The following PTPRZ1 variants were observed in gnomAD, a reference collection of about 807,000 sequenced individuals.
PTPRZ1 encodes protein tyrosine phosphatase receptor type Z1, also known as receptor-type tyrosine-protein phosphatase zeta.
In PTPRZ1, 82 loss-of-function variants were observed where a neutral mutation model predicts 214.1. The observed-to-expected ratio is 0.38, with a 90% confidence interval of 0.32 to 0.46. The LOEUF (loss-of-function observed/expected upper bound fraction) is 0.46. PTPRZ1 is among the 20% of genes least tolerant of loss of function. PTPRZ1 has a pLI of 1.00. For missense variants in PTPRZ1, 2,603 were observed against 2,748.7 expected, an observed-to-expected ratio of 0.95 and a Z score of 1.19; for synonymous variants, 945 against 987.9, an observed-to-expected ratio of 0.96 and a Z score of 0.81.
At chr7:121,891,451 CTTTTTTTTTTTTTT>C (rs58135453) in intron 1 of PTPRZ1, among the ~76,000 whole-genome samples, 21 of 35,746 alleles carry the variant, frequency 5.9e-4, no homozygotes, top group African/African-American at 9.1e-4. Context: ...AAAACAACCT[CTTTTTTTTTTTTTT>C]TTTTTTTTTT....
chr7:121,971,683 G>A (rs1022293292), intron 3 of PTPRZ1, among the ~76,000 whole-genome samples: 2 of 152,160 alleles, frequency 1.3e-5, no homozygotes, highest in Non-Finnish European at 2.9e-5. Flanking sequence ...ATAGTTCATG[G>A]TACATCGTAA....
At chr7:121,948,480 A>G (rs1796454523) in intron 2 of PTPRZ1, among the ~76,000 whole-genome samples, 1 of 152,082 alleles carries the variant, frequency 6.6e-6, no homozygotes, top group Admixed American at 6.5e-5. Context: ...ATAAGAATAA[A>G]CATGTTGATA....
rs35113798 is a variant in PTPRZ1, at chr7:121,873,328, TCACA to T, written c.-153_-150del. ...GTCTCTGTCTCTGTCTCTCTCTCTC[TCACA>T]CACACACACACACACACAAACACAC... On this transcript the variant is annotated 5_prime_UTR_variant, in exon 1 of 30. Coordinates refer to ENST00000393386, the MANE Select transcript of PTPRZ1 (RefSeq NM_002851.3). The T allele has an allele frequency of 9.8e-4, 521 of 530,202 alleles. No individual in the cohort carries two copies. Among genetic ancestry groups the T allele is most frequent in the South Asian group, 2.8e-3 (113 of 40,120 alleles). The allele number at this position is 530,202 out of a possible 1,614,324, so 32.8% of individuals were successfully genotyped here.
chr7:121,957,062 C>A (rs764839823), intron 2 of PTPRZ1, among the ~76,000 whole-genome samples: 1 of 152,230 alleles, frequency 6.6e-6, no homozygotes, highest in Non-Finnish European at 1.5e-5. Context: ...GCGCACACTT[C>A]GCTTGGCATT....
chr7:121,890,354 C>G (rs998132484), intron 1 of PTPRZ1, among the ~76,000 whole-genome samples: 2 of 152,154 alleles, frequency 1.3e-5, no homozygotes, highest in East Asian at 3.9e-4. Context: ...ATCTCTCTTA[C>G]AGCCTACACA....
chr7:121,886,074 G>A (rs1247852628), intron 1 of PTPRZ1, among the ~76,000 whole-genome samples: 1 of 152,140 alleles, frequency 6.6e-6, no homozygotes, highest in Non-Finnish European at 1.5e-5. Context: ...TGAGACTGTA[G>A]TACACAGTTT....
At chr7:122,056,230 G>C (rs1792345631) in intron 27 of PTPRZ1, among the ~76,000 whole-genome samples, 2 of 151,624 alleles carry the variant, frequency 1.3e-5, no homozygotes, top group African/African-American at 4.8e-5. Flanking sequence ...CTATTATCTT[G>C]TCACACCCAT....
At chr7:121,989,617 G>A (rs1430911812) in intron 8 of PTPRZ1, among the ~76,000 whole-genome samples, 5 of 151,964 alleles carry the variant, frequency 3.3e-5, no homozygotes, top group African/African-American at 4.8e-5. Context: ...CAGGTGATCC[G>A]CCCACCTCGG....
intron 2 of PTPRZ1, among the ~76,000 whole-genome samples, chr7:121,941,217 A>G (rs1210142439): frequency 6.6e-6 from 1 of 152,226 alleles, no homozygotes; most frequent in Non-Finnish European, 1.5e-5. Flanking sequence ...CAAATGGAGA[A>G]ATAAAGAGAC....
rs188429857 is a variant in PTPRZ1, at chr7:121,938,344, T to C, written c.124+10123T>C. On this transcript the variant is annotated intron_variant, in intron 2 of 29. Transcript: ENST00000393386. ...CATGTTTTCAAGATAAACAATAACT[T>C]GTCTTTAAGTAGAAGGACTTGGCAG... Among the ~76,000 whole-genome samples, 253 of 152,320 alleles carry C rather than the reference T, an allele frequency of 1.7e-3. 2 individuals carry two copies. The highest frequency in any genetic ancestry group is 5.8e-3 in the African/African-American group (243 of 41,566).
Position 121,972,697 on chromosome 7 carries a change from G to T in PTPRZ1, c.456+5G>T, listed in dbSNP as rs776736714. 3 of 1,598,648 alleles carry T rather than the reference G, an allele frequency of 1.9e-6. No individual in the cohort carries two copies. The African/African-American group carries it at 4.0e-5, about 21-fold the overall frequency. ...GGACAAAAATTTCCACTTGAGGTAA[G>T]TCAGGAGATCTGCTGTGTACTATTT... On this transcript the variant is annotated splice_donor_5th_base_variant and intron_variant, in intron 4 of 29. Transcript: ENST00000393386.
intron 14 of PTPRZ1, among the ~76,000 whole-genome samples, chr7:122,029,959 C>A (rs1190107752): frequency 6.6e-6 from 1 of 151,664 alleles, no homozygotes. Context: ...ATTTTTAGAC[C>A]AACAGCTCTC....
intron 1 of PTPRZ1, among the ~76,000 whole-genome samples, chr7:121,921,365 G>C (rs894332554): frequency 2.6e-5 from 4 of 152,114 alleles, no homozygotes; most frequent in Non-Finnish European, 4.4e-5. Context: ...TCACCTTTGA[G>C]ACTCTCCTTG....
Position 122,059,868 on chromosome 7 carries a change from C to A in PTPRZ1, c.6787C>A (p.Pro2263Thr), listed in dbSNP as rs1185494689. The A allele has an allele frequency of 1.2e-6, 2 of 1,610,656 alleles. No homozygotes were observed. Among genetic ancestry groups the A allele is most frequent in the African/African-American group, 2.7e-5 (2 of 74,602 alleles). Residue 2263 changes from proline (P) to threonine (T), a missense_variant, in exon 29 of 30, where the codon CCA becomes ACA. This residue lies in a region of PTPRZ1 where 165 missense variants were observed against 151.4 expected (regional missense o/e 1.09). Coordinates refer to ENST00000393386, the MANE Select transcript of PTPRZ1 (RefSeq NM_002851.3). ...QVAKMINLMRPGVFADIEQYQ... is the reference protein window; with the variant it reads ...QVAKMINLMRTGVFADIEQYQ... ...AGCCAAGATGATCAATCTGATGAGG[C>A]CAGGAGTCTTTGCTGACATTGTAAG...
At chr7:122,057,401 T>A (rs28730482) in intron 27 of PTPRZ1, among the ~76,000 whole-genome samples, 7,683 of 151,882 alleles carry the variant, frequency 0.051, 307 homozygotes, top group African/African-American at 0.11. Flanking sequence ...TATTTTTACA[T>A]ACAATATGTT....
intron 12 of PTPRZ1, among the ~76,000 whole-genome samples, chr7:122,014,423 T>C (rs1798784508): frequency 6.6e-6 from 1 of 151,932 alleles, no homozygotes; most frequent in Non-Finnish European, 1.5e-5. Context: ...GCTTTATTTA[T>C]TATTATTATT....
rs1216186393 is a variant in PTPRZ1 at position 122,011,954 on chromosome 7, C to T, written c.2908C>T (p.Pro970Ser). 5 of 1,614,068 alleles carry T rather than the reference C, an allele frequency of 3.1e-6. No homozygotes were observed. In the Admixed American group the frequency reaches 5.0e-5, roughly 16 times the overall value. ...CTTATTTAGCGGCCCTAGCCATATA[C>T]CAATACCTAAGTCTTCGTTAATAAC... The part of the protein sequence containing the change: ...GSLFSGPSHI[P>S]IPKSSLITPT... Residue 970 changes from proline (P) to serine (S), a missense_variant, in exon 12 of 30, where the codon CCA becomes TCA. Pro to Ser is a moderately conservative substitution (Grantham distance 74, BLOSUM62 -1). Coordinates refer to ENST00000393386, the MANE Select transcript of PTPRZ1 (RefSeq NM_002851.3).
rs1223535809 is a variant in PTPRZ1 at position 122,062,026 on chromosome 7, A to G, written c.*806A>G. The G allele has an allele frequency of 1.3e-5, 2 of 152,654 alleles. No homozygotes were observed. Among genetic ancestry groups the G allele is most frequent in the East Asian group, 3.8e-4 (2 of 5,198 alleles). The allele number at this position is 152,654 out of a possible 1,614,324, so 9.5% of individuals were successfully genotyped here. On this transcript the variant is annotated 3_prime_UTR_variant, in exon 30 of 30. Transcript: ENST00000393386. ...AGGAATTGCAAAAATAAATATAAAT[A>G]TTGCCATTAATTTGTGTTTGCTTGT...
intron 1 of PTPRZ1, among the ~76,000 whole-genome samples, chr7:121,896,462 G>A (rs975905579): frequency 6.6e-6 from 1 of 152,114 alleles, no homozygotes; most frequent in Non-Finnish European, 1.5e-5. Flanking sequence ...ATTAATGGAT[G>A]AATGGACACA....
Sources: allele counts gnomAD v4.1 joint callset (sites outside exome capture counted in the v4.1 genomes callset), GRCh38; gene constraint gnomAD v4.1.1; regional missense constraint gnomAD v4.1.1; transcripts MANE v1.5; gene names NCBI Gene and HGNC (gene_info 2026-07-23, HGNC 2026-07-21).